Variants in RAB38 observed in about 807,000 individuals in gnomAD.
RAB38 encodes the protein ras-related protein Rab-38.
In RAB38, 15 loss-of-function variants were observed where a neutral mutation model predicts 18.4. That is an observed-to-expected ratio of 0.82 (90% confidence interval 0.55 to 1.26). RAB38 has a LOEUF of 1.26. RAB38 is among the 50% of genes most tolerant of loss of function. The pLI is 0.00. For missense variants in RAB38, 294 were observed against 267.4 expected (o/e 1.10, Z -0.69); for synonymous variants, 101 against 104.4 (o/e 0.97, Z 0.20).
chr11:87,965,405 C>T, the RAB38 span, among the ~76,000 whole-genome samples: 1 of 152,070 alleles, frequency 6.6e-6, no homozygotes. Context: ...CTCCTGAAAC[C>T]CTTGGCCTTT....
chr11:87,856,985 G>T, the RAB38 span, among the ~76,000 whole-genome samples: 1 of 151,866 alleles, frequency 6.6e-6, no homozygotes, highest in African/African-American at 2.4e-5. Context: ...TTTACATTAG[G>T]TATATCTCCT....
the RAB38 span, among the ~76,000 whole-genome samples, chr11:87,859,557 G>A: frequency 9.2e-5 from 14 of 151,966 alleles, no homozygotes; most frequent in East Asian, 7.8e-4. Context: ...AATTTTAATC[G>A]CACATACCTT....
the RAB38 span, among the ~76,000 whole-genome samples, chr11:87,853,604 G>T: frequency 6.6e-6 from 1 of 152,186 alleles, no homozygotes; most frequent in Non-Finnish European, 1.5e-5. Flanking sequence ...AAAATACTAT[G>T]TTCTGGGAAG....
chr11:87,950,586 G>A, the RAB38 span, among the ~76,000 whole-genome samples: 1 of 152,114 alleles, frequency 6.6e-6, no homozygotes. Flanking sequence ...GCCTGGTAGT[G>A]ACAAAATCTC....
the RAB38 span, among the ~76,000 whole-genome samples, chr11:87,842,442 TATC>T: frequency 1.3e-5 from 2 of 152,186 alleles, no homozygotes; most frequent in Non-Finnish European, 2.9e-5. Context: ...CCTCATTTGA[TATC>T]ATCAAAAGCC....
intron 1 of RAB38, among the ~76,000 whole-genome samples, chr11:88,151,934 G>A (rs189006010): frequency 1.3e-3 from 201 of 152,320 alleles, no homozygotes; most frequent in Admixed American, 3.9e-3. Flanking sequence ...TATTTCTTAC[G>A]TGGGTTATAC....
At chr11:88,095,508 T>C in the RAB38 span, among the ~76,000 whole-genome samples, 1 of 151,926 alleles carries the variant, frequency 6.6e-6, no homozygotes, top group African/African-American at 2.4e-5. Flanking sequence ...GCTACTCCTT[T>C]CATTCTTCTA....
At chr11:87,954,490 A>G in the RAB38 span, among the ~76,000 whole-genome samples, 1 of 152,028 alleles carries the variant, frequency 6.6e-6, no homozygotes, top group South Asian at 2.1e-4. Context: ...GATTTTCTAC[A>G]TATTCAAGTC....
chr11:87,944,464 C>T, the RAB38 span, among the ~76,000 whole-genome samples: 12 of 152,040 alleles, frequency 7.9e-5, no homozygotes, highest in Non-Finnish European at 1.8e-4. Context: ...ACCCTGTTCC[C>T]CTGTAGTCTT....
intron 1 of RAB38, among the ~76,000 whole-genome samples, chr11:88,170,547 G>C (rs1437547197): frequency 1.3e-5 from 2 of 152,222 alleles, no homozygotes; most frequent in Non-Finnish European, 2.9e-5. Flanking sequence ...CCAAATAAGT[G>C]TCAGAGTTGC....
the RAB38 span, among the ~76,000 whole-genome samples, chr11:87,933,063 G>A: frequency 2.6e-5 from 4 of 152,038 alleles, no homozygotes; most frequent in Admixed American, 6.6e-5. Context: ...ATCACGTATG[G>A]AGGTTCATCT....
At chr11:88,049,537 T>C in the RAB38 span, among the ~76,000 whole-genome samples, 1 of 151,894 alleles carries the variant, frequency 6.6e-6, no homozygotes, top group Non-Finnish European at 1.5e-5. Flanking sequence ...TCGCTGACTC[T>C]CTTTTCGGAC....
chr11:87,811,387 T>A, the RAB38 span, among the ~76,000 whole-genome samples: 1 of 152,200 alleles, frequency 6.6e-6, no homozygotes, highest in African/African-American at 2.4e-5. Flanking sequence ...AAAGGCAGTG[T>A]CATAATTGGG....
At chr11:87,963,060 C>G in the RAB38 span, among the ~76,000 whole-genome samples, 6,721 of 152,158 alleles carry the variant, frequency 0.044, 293 homozygotes, top group South Asian at 0.087. Context: ...TTATGAATCA[C>G]AGTGTTTATT....
At chr11:87,935,536 T>G in the RAB38 span, among the ~76,000 whole-genome samples, 6 of 152,072 alleles carry the variant, frequency 3.9e-5, no homozygotes. Flanking sequence ...ATTATTATTT[T>G]TATTATTATT....
At chr11:87,854,015 G>C in the RAB38 span, among the ~76,000 whole-genome samples, 4,492 of 152,214 alleles carry the variant, frequency 0.03, 144 homozygotes, top group African/African-American at 0.076. Context: ...GACAGGTCTC[G>C]TTCTTCTATT....
chr11:88,088,304 T>C, the RAB38 span, among the ~76,000 whole-genome samples: 8 of 151,852 alleles, frequency 5.3e-5, no homozygotes, highest in East Asian at 1.6e-3. Flanking sequence ...TTTTCTAGGG[T>C]TTTCAAATGC....
chr11:87,939,718 G>GA, the RAB38 span, among the ~76,000 whole-genome samples: 4 of 151,432 alleles, frequency 2.6e-5, no homozygotes, highest in Admixed American at 2.6e-4. Context: ...AAAAAGAAAA[G>GA]AAAAAAAGAA....
intron 1 of RAB38, among the ~76,000 whole-genome samples, chr11:88,152,209 CTT>C (rs893238566): frequency 4.6e-5 from 7 of 152,150 alleles, no homozygotes; most frequent in Non-Finnish European, 8.8e-5. Flanking sequence ...TAAAGGATGT[CTT>C]ATGATCTCTT....
Sources: allele counts gnomAD v4.1 joint callset (sites outside exome capture counted in the v4.1 genomes callset), GRCh38; gene constraint gnomAD v4.1.1; transcripts MANE v1.5; gene names NCBI Gene and HGNC (gene_info 2026-07-23, HGNC 2026-07-21).